The following CREB1 variants were observed in gnomAD, a reference collection of about 807,000 sequenced individuals.
The protein encoded by CREB1 is cyclic AMP-responsive element-binding protein 1.
CREB1 carries 2 observed loss-of-function variants against 42.0 expected under a neutral mutation model. The ratio of observed to expected loss-of-function variants is 0.05; its 90% CI spans 0.02 to 0.15. The LOEUF (loss-of-function observed/expected upper bound fraction) is 0.15. Ranked by LOEUF, CREB1 falls within the 10% of genes least tolerant of loss-of-function variation. CREB1 has a pLI of 1.00. For synonymous variants in CREB1, 123 were observed against 139.9 expected (o/e 0.88, Z 0.85); for missense variants, 199 against 388.9 (o/e 0.51, Z 4.11).
chr2:207,602,951 A>G lies in CREB1; in HGVS notation c.*5893A>G, dbSNP rs2087346489. 4.6e-6 allele frequency: 1 copy of G among 215,264 alleles called. No homozygotes were observed. Among genetic ancestry groups the G allele is most frequent in the South Asian group, 1.9e-4 (1 of 5,364 alleles). The allele number at this position is 215,264 out of a possible 1,614,324, so 13.3% of individuals were successfully genotyped here. Reference sequence around the variant, plus strand: ...GTATCACTTGAAACTTTTTAGAAGCAAAATAATCAGGGAAGTTCCTAGAAA... The same window carrying G: ...GTATCACTTGAAACTTTTTAGAAGCGAAATAATCAGGGAAGTTCCTAGAAA... On this transcript the variant is annotated 3_prime_UTR_variant, in exon 8 of 8. Coordinates refer to ENST00000353267, the MANE Select transcript of CREB1 (RefSeq NM_004379.5).
chr2:207,567,797 G>C (rs1418176204), intron 4 of CREB1: 1 of 295,258 alleles, frequency 3.4e-6, no homozygotes, highest in East Asian at 5.6e-5. Context: ...TCTGTAGACT[G>C]TGCTGGCTGT....
chr2:207,562,271 C>A (rs958334009), intron 3 of CREB1, among the ~76,000 whole-genome samples: 2 of 152,154 alleles, frequency 1.3e-5, no homozygotes, highest in Admixed American at 1.3e-4. Flanking sequence ...GCCTTGGGCA[C>A]ATCTACCTTT....
In CREB1 at chr2:207,530,061, GT is replaced by G. The variant is rs1437743731; in HGVS notation, c.-81del. ...GGTGTAGTTTGACGCGGTGTGTTAC[GT>G]GGGGGAGAGAATAAAACTCCAGCGA... On this transcript the variant is annotated 5_prime_UTR_variant, in exon 1 of 8. Transcript: ENST00000353267. 6.5e-6 allele frequency: 1 copy of G among 153,190 alleles called. No homozygotes were observed. Among genetic ancestry groups the G allele is most frequent in the Non-Finnish European group, 1.5e-5 (1 of 68,570 alleles). 9.5% of individuals were successfully genotyped at this position (153,190 alleles called of 1,614,324 possible).
chr2:207,571,664 A>T, intron 5 of CREB1: 1 of 442,868 alleles, frequency 2.3e-6, no homozygotes, highest in Non-Finnish European at 4.5e-6. Flanking sequence ...CTCATACCAG[A>T]TGCTTTTAGT....
intron 7 of CREB1, among the ~76,000 whole-genome samples, chr2:207,587,484 A>G (rs534145232): frequency 9.2e-5 from 14 of 152,214 alleles, no homozygotes; most frequent in Non-Finnish European, 1.3e-4. Flanking sequence ...ATCTATTCAA[A>G]AGAAAGGAAA....
At chr2:207,548,471 C>A (rs1023993266) in intron 1 of CREB1, among the ~76,000 whole-genome samples, 1 of 152,114 alleles carries the variant, frequency 6.6e-6, no homozygotes, top group Non-Finnish European at 1.5e-5. Context: ...ATTCCTGGGG[C>A]CAGGCCCGGT....
chr2:207,544,594 A>T (rs2081227889), intron 1 of CREB1, among the ~76,000 whole-genome samples: 1 of 152,210 alleles, frequency 6.6e-6, no homozygotes. Flanking sequence ...CATGTGCAGG[A>T]TGTGCAGGTT....
At position 207,582,873 on chromosome 2, in the gene CREB1, AGAGT is replaced by A. The variant is rs760433730; in HGVS notation, c.839+5222_839+5225del. On this transcript the variant is annotated intron_variant, in intron 7 of 7. Transcript: ENST00000353267. ...GCACTACTACTCCAGCCTGAGTGAC[AGAGT>A]GAGACTCTGTCTCAAAAAAACAAAC... is the stretch of plus-strand genomic sequence containing the variant. The A allele has an allele frequency of 1.2e-4, 38 of 316,516 alleles. 1 individual carries two copies. Among genetic ancestry groups the A allele is most frequent in the South Asian group, 9.6e-4 (38 of 39,436 alleles). The allele number at this position is 316,516 out of a possible 1,614,324, so 19.6% of individuals were successfully genotyped here.
chr2:207,598,664 T>G lies in CREB1; in HGVS notation c.*1606T>G, dbSNP rs1340299694. 4 of 165,144 alleles carry G rather than the reference T, an allele frequency of 2.4e-5. No individual in the cohort carries two copies. The highest frequency in any genetic ancestry group is 5.3e-5 in the Non-Finnish European group (4 of 75,700). 10.2% of individuals were successfully genotyped at this position (165,144 alleles called of 1,614,324 possible). A position where few individuals can be genotyped will look rare whatever the true frequency, so the allele number is the denominator to read the frequency against. ...GAGTTCAAGACCAGCCTGGCCATCA[T>G]GGTGAAACCCCATCTCTACTAAAAA... On this transcript the variant is annotated 3_prime_UTR_variant, in exon 8 of 8. Coordinates refer to ENST00000353267, the MANE Select transcript of CREB1 (RefSeq NM_004379.5).
chr2:207,570,469 A>G (rs868493052), intron 5 of CREB1, 148 bp downstream of exon 5: 15 of 708,946 alleles, frequency 2.1e-5, no homozygotes, highest in Admixed American at 6.7e-5. Context: ...ACTCTTCACT[A>G]TGCAAAGGTC....
chr2:207,549,896 A>G (rs1369063913), intron 1 of CREB1, among the ~76,000 whole-genome samples: 2 of 151,432 alleles, frequency 1.3e-5, no homozygotes, highest in Non-Finnish European at 1.5e-5. Flanking sequence ...CTTGAACCCA[A>G]GGGGCGGGGG....
At chr2:207,532,654 A>T (rs566503766) in intron 1 of CREB1, among the ~76,000 whole-genome samples, 6 of 151,900 alleles carry the variant, frequency 3.9e-5, no homozygotes, top group Admixed American at 3.9e-4. Context: ...GCCTGGTGAC[A>T]GCGAGACCCC....
intron 1 of CREB1, among the ~76,000 whole-genome samples, chr2:207,548,603 TAGCC>T (rs1407993105): frequency 1.3e-5 from 2 of 151,820 alleles, no homozygotes; most frequent in Non-Finnish European, 2.9e-5. Context: ...ATACAAAAAT[TAGCC>T]AGGTGTGGTG....
intron 1 of CREB1, among the ~76,000 whole-genome samples, chr2:207,554,040 T>C (rs1374303865): frequency 6.6e-6 from 1 of 152,216 alleles, no homozygotes; most frequent in East Asian, 1.9e-4. Flanking sequence ...TTTTTTGCTA[T>C]GATTTAAAAA....
intron 7 of CREB1, chr2:207,582,916 AAAAT>A (rs1559059255): frequency 5.6e-5 from 13 of 232,366 alleles, no homozygotes; most frequent in Non-Finnish European, 8.7e-5. Flanking sequence ...CAAACAAAAA[AAAAT>A]ATATATATAT....
intron 7 of CREB1, among the ~76,000 whole-genome samples, chr2:207,592,991 G>T (rs1409505536): frequency 6.6e-6 from 1 of 152,116 alleles, no homozygotes; most frequent in African/African-American, 2.4e-5. Context: ...TGAGATTACA[G>T]TTATAAATAT....
chr2:207,598,491 A>T lies in CREB1; in HGVS notation c.*1433A>T. The T allele has an allele frequency of 5.7e-6, 1 of 176,482 alleles. No homozygotes were observed. Among genetic ancestry groups the T allele is most frequent in the Non-Finnish European group, 1.2e-5 (1 of 82,768 alleles). 10.9% of individuals were successfully genotyped at this position (176,482 alleles called of 1,614,324 possible). ...ATAAATCTAACAGTTACTCTTAAAA[A>T]AAAAAAAAAAAGACTAAGGTGGATT... On this transcript the variant is annotated 3_prime_UTR_variant, in exon 8 of 8. Transcript: ENST00000353267.
chr2:207,538,189 A>G (rs1337275483), intron 1 of CREB1, among the ~76,000 whole-genome samples: 1 of 151,844 alleles, frequency 6.6e-6, no homozygotes, highest in Non-Finnish European at 1.5e-5. Flanking sequence ...TATTTTGCCC[A>G]GATGTTTCCT....
intron 1 of CREB1, among the ~76,000 whole-genome samples, chr2:207,530,861 C>G (rs913449418): frequency 1.3e-5 from 2 of 151,938 alleles, no homozygotes; most frequent in Admixed American, 1.3e-4. Context: ...TGCCCTTTCC[C>G]CCCCGCTCCT....
Sources: gnomAD v4.1 joint callset for allele counts (sites outside exome capture counted in the v4.1 genomes callset) on GRCh38, gnomAD v4.1.1 for gene constraint, MANE v1.5 for transcripts, NCBI Gene and HGNC (gene_info 2026-07-23, HGNC 2026-07-21) for gene names.